PCDHGA7: variants seen among roughly 807,000 people sequenced by gnomAD.
PCDHGA7 encodes the protein protocadherin gamma subfamily A, 7, also known as protocadherin gamma-A7.
In PCDHGA7, 44 loss-of-function variants were observed where a neutral mutation model predicts 58.3. That is an observed-to-expected ratio of 0.75 (90% confidence interval 0.59 to 0.97). PCDHGA7 has a LOEUF of 0.97. PCDHGA7 is among the 50% of genes least tolerant of loss of function. PCDHGA7 has a pLI of 0.00. For missense variants in PCDHGA7, 1,266 were observed against 1,188.7 expected (o/e 1.06, Z -0.96); for synonymous variants, 516 against 504.2 (o/e 1.02, Z -0.31).
chr5:141,410,161 A>C (rs2095363664), intron 1 of PCDHGA7: 1 of 1,613,220 alleles, frequency 6.2e-7, no homozygotes, highest in African/African-American at 1.3e-5. Context: ...GACAGCCGCC[A>C]CTCTCTGCCA....
Position 141,511,072 on chromosome 5 carries a change from A to C in PCDHGA7, c.2698A>C (p.Ser900Arg). The C allele has an allele frequency of 6.2e-7, 1 of 1,614,252 alleles. No individual in the cohort carries two copies. Among genetic ancestry groups the C allele is most frequent in the Non-Finnish European group, 8.5e-7 (1 of 1,180,034 alleles). Residue 900 changes from serine to arginine, a missense_variant, in exon 4 of 4, where the codon AGC (serine) becomes CGC (arginine). Ser to Arg is a moderately radical substitution (Grantham distance 110). Coordinates refer to ENST00000518325, the MANE Select transcript of PCDHGA7 (RefSeq NM_018920.4). ...CCGCCAGAATGTCTACATCCCAGGC[A>C]GCAATGCCACACTGACCAACGCAGC... ...DYRQNVYIPG[S>R]NATLTNAAGK...
chr5:141,456,463 G>A (rs1195450847), intron 1 of PCDHGA7, among the ~76,000 whole-genome samples: 1 of 152,122 alleles, frequency 6.6e-6, no homozygotes, highest in Non-Finnish European at 1.5e-5. Context: ...ATCAATACAA[G>A]ACATATAAGC....
At chr5:141,480,894 C>CA (rs1235468010) in intron 1 of PCDHGA7, among the ~76,000 whole-genome samples, 15 of 151,848 alleles carry the variant, frequency 9.9e-5, no homozygotes, top group African/African-American at 3.4e-4. Context: ...AAAATGCAAA[C>CA]ATTAGCTGGG....
At chr5:141,498,457 G>A (rs1028236637) in intron 2 of PCDHGA7, among the ~76,000 whole-genome samples, 8 of 152,126 alleles carry the variant, frequency 5.3e-5, no homozygotes, top group African/African-American at 1.9e-4. Flanking sequence ...CTTTTATCCA[G>A]TCTAACCCTG....
chr5:141,444,341 T>C (rs909401337), intron 1 of PCDHGA7, among the ~76,000 whole-genome samples: 2 of 151,892 alleles, frequency 1.3e-5, no homozygotes, highest in African/African-American at 4.8e-5. Context: ...CCAGCTAATT[T>C]TGTATTTTTA....
Position 141,487,781 on chromosome 5 carries a change from G to T in PCDHGA7, c.2425-7026G>T. ...AGACGCTGTGCTTTGTAACTGTTTC[G>T]TGAATTAACCAGAGTTGTCACAGTT... On this transcript the variant is annotated intron_variant, in intron 1 of 3. Transcript: ENST00000518325. This position sits in a 1 kb window ranked among gnomAD's most constrained non-coding sequence, Gnocchi z 5.0. 2 of 1,526,850 alleles carry T rather than the reference G, an allele frequency of 1.3e-6. No homozygotes were observed. The highest frequency in any genetic ancestry group is 8.8e-7 in the Non-Finnish European group (1 of 1,130,880). The allele number at this position is 1,526,850 out of a possible 1,614,324, so 94.6% of individuals were successfully genotyped here. A position where few individuals can be genotyped will look rare whatever the true frequency, so the allele number is the denominator to read the frequency against.
rs944974638 is a variant in PCDHGA7, at chr5:141,393,886, A to C, written c.2424+8563A>C. 3.7e-6 allele frequency: 6 copies of C among 1,614,034 alleles called. No individual in the cohort carries two copies. In the East Asian group the frequency reaches 1.3e-4, roughly 36 times the overall value. On this transcript the variant is annotated intron_variant, in intron 1 of 3. Coordinates refer to ENST00000518325, the MANE Select transcript of PCDHGA7 (RefSeq NM_018920.4). ...ACGTCTTTGTTTAGCCCAGTGTTAG[A>C]AAATTCTCTTCCCGGGACAGTAATT...
chr5:141,436,063 A>G (rs1406994228), intron 1 of PCDHGA7, among the ~76,000 whole-genome samples: 1 of 152,230 alleles, frequency 6.6e-6, no homozygotes, highest in Non-Finnish European at 1.5e-5. Flanking sequence ...ATAGAATTTA[A>G]TAAGTACAGT....
At position 141,385,164 on chromosome 5, in the gene PCDHGA7, T is replaced by A. The variant is rs758100484; in HGVS notation, c.2265T>A (p.His755Gln). 15 of 1,614,168 alleles carry A rather than the reference T, an allele frequency of 9.3e-6. No individual in the cohort carries two copies. The highest frequency in any genetic ancestry group is 1.3e-5 in the Non-Finnish European group (15 of 1,179,984). The change falls in exon 1 of 4, where the codon CAT (histidine) becomes CAA (glutamine). Residue 755 changes from histidine (H) to glutamine (Q), a missense_variant. Coordinates refer to ENST00000518325, the MANE Select transcript of PCDHGA7 (RefSeq NM_018920.4). ...GVQAFLQTYS[H>Q]EVSLTADSRK... ...AGGCTTTCCTGCAGACCTATTCCCA[T>A]GAGGTCTCCCTCACCGCGGACTCTC...
intron 1 of PCDHGA7, chr5:141,408,038 C>G (rs2095030679): frequency 8.6e-7 from 1 of 1,156,402 alleles, no homozygotes; most frequent in Admixed American, 3.0e-5. Flanking sequence ...AGAAAACCAG[C>G]TCCCACACAG....
rs368168278 is a variant in PCDHGA7, at chr5:141,419,810, C to T, written c.2424+34487C>T. On this transcript the variant is annotated intron_variant, in intron 1 of 3. Coordinates refer to ENST00000518325, the MANE Select transcript of PCDHGA7 (RefSeq NM_018920.4). ...GCTAGTCGCTGTAAGAGATGGAGGA[C>T]AGCCACCCCTTTCAGCCACTGCCAC... The T allele has an allele frequency of 3.1e-6, 5 of 1,613,946 alleles. No individual in the cohort carries two copies. The Admixed American group carries it at 8.3e-5, about 27-fold the overall frequency.
In PCDHGA7 at chr5:141,428,115, G is replaced by T. The variant is rs753384738; in HGVS notation, c.2424+42792G>T. 5 of 1,607,062 alleles carry T rather than the reference G, an allele frequency of 3.1e-6. No homozygotes were observed. In the South Asian group the frequency reaches 5.5e-5, roughly 18 times the overall value. On this transcript the variant is annotated intron_variant, in intron 1 of 3. Coordinates refer to ENST00000518325, the MANE Select transcript of PCDHGA7 (RefSeq NM_018920.4). ...GTCCTACCACGTGCTGCAGGCCATC[G>T]AGCCCGGGCTTTTCAGCCTGGGGCT...
In PCDHGA7 at chr5:141,414,978, C is replaced by T. The variant is rs757917979; in HGVS notation, c.2424+29655C>T. On this transcript the variant is annotated intron_variant, in intron 1 of 3. Coordinates refer to ENST00000518325, the MANE Select transcript of PCDHGA7 (RefSeq NM_018920.4). The stretch of plus-strand genomic sequence containing the variant: ...CCAAGGTGGTGGCGGTGGACAGAGA[C>T]TCCGGCCAGAACGCCTGGCTGTCCT... 8 of 1,613,878 alleles carry T rather than the reference C, an allele frequency of 5.0e-6. No individual in the cohort carries two copies. The South Asian group carries it at 8.8e-5, about 18-fold the overall frequency.
rs147564249 is a variant in PCDHGA7, at chr5:141,432,378, C to T, written c.2424+47055C>T. 1 of 1,614,234 alleles carries T rather than the reference C, an allele frequency of 6.2e-7. No homozygotes were observed. Among genetic ancestry groups the T allele is most frequent in the Non-Finnish European group, 8.5e-7 (1 of 1,180,044 alleles). ...GTGATGGCGCGGGACAACGGGCACCCGCCCCTCAGCAGCAACGTGTCGTTG... is the reference window on the plus strand; with the variant it reads ...GTGATGGCGCGGGACAACGGGCACCTGCCCCTCAGCAGCAACGTGTCGTTG... On this transcript the variant is annotated intron_variant, in intron 1 of 3. Coordinates refer to ENST00000518325, the MANE Select transcript of PCDHGA7 (RefSeq NM_018920.4). This position sits in a 1 kb window ranked among gnomAD's most constrained non-coding sequence, Gnocchi z 6.0.
At chr5:141,494,554 T>C (rs1270280236) in intron 1 of PCDHGA7, among the ~76,000 whole-genome samples, 1 of 152,178 alleles carries the variant, frequency 6.6e-6, no homozygotes, top group African/African-American at 2.4e-5. Flanking sequence ...GGGCCATTTC[T>C]TTAGGAAAGG....
At chr5:141,500,453 C>G (rs1403599390) in intron 2 of PCDHGA7, among the ~76,000 whole-genome samples, 1 of 152,246 alleles carries the variant, frequency 6.6e-6, no homozygotes, top group African/African-American at 2.4e-5. Flanking sequence ...TCGTGATCCG[C>G]CCGCCTCGGC....
chr5:141,424,966 T>G (rs913951031), intron 1 of PCDHGA7, among the ~76,000 whole-genome samples: 17 of 152,174 alleles, frequency 1.1e-4, no homozygotes, highest in African/African-American at 3.9e-4. Flanking sequence ...TTGCCCCAAA[T>G]TACTTGGATA....
chr5:141,383,727 A>G lies in PCDHGA7; in HGVS notation c.828A>G (p.Glu276=). The G allele has an allele frequency of 6.2e-7, 1 of 1,614,016 alleles. No individual in the cohort carries two copies. The highest frequency in any genetic ancestry group is 1.1e-5 in the South Asian group (1 of 91,082). Residue 276 remains glutamate, a synonymous_variant, in exon 1 of 4, where the codon GAA becomes GAG. Transcript: ENST00000518325. ...AIDLDEGVNG[E]VTYSFRKITP... ...ACCTGGACGAGGGAGTCAATGGGGA[A>G]GTGACATATTCTTTTCGGAAAATAA...
chr5:141,476,318 G>T lies in PCDHGA7; in HGVS notation c.2425-18489G>T. 3 of 1,614,202 alleles carry T rather than the reference G, an allele frequency of 1.9e-6. No homozygotes were observed. The highest frequency in any genetic ancestry group is 2.5e-6 in the Non-Finnish European group (3 of 1,180,052). The stretch of plus-strand genomic sequence containing the variant: ...TAGCCTCTCAGCCCGCAGGTTCCGG[G>T]TGGTGTCTGGAGCTAGCCGAAGATT... On this transcript the variant is annotated intron_variant, in intron 1 of 3. Transcript: ENST00000518325. This position sits in a 1 kb window ranked among gnomAD's most constrained non-coding sequence, Gnocchi z 7.6.
Sources: allele counts gnomAD v4.1 joint callset (sites outside exome capture counted in the v4.1 genomes callset), GRCh38; gene constraint gnomAD v4.1.1; non-coding constraint Gnocchi (gnomAD v3.1); transcripts MANE v1.5; gene names NCBI Gene and HGNC (gene_info 2026-07-23, HGNC 2026-07-21).